The following CYB5B variants were observed in gnomAD, a reference collection of about 807,000 sequenced individuals.
CYB5B encodes cytochrome b5 type B, also known as cytochrome b5 type B (outer mitochondrial membrane).
A neutral mutation model predicts 21.3 loss-of-function variants in CYB5B; 14 were observed. That is an observed-to-expected ratio of 0.66 (90% CI 0.43 to 1.03). The LOEUF (loss-of-function observed/expected upper bound fraction) is 1.03. Ranked by LOEUF, CYB5B falls within the 50% of genes least tolerant of loss-of-function variation. The pLI is 0.00. For synonymous variants in CYB5B, 69 were observed against 68.4 expected, an observed-to-expected ratio of 1.01 and a Z score of -0.04; for missense variants, 166 against 185.1, an observed-to-expected ratio of 0.90 and a Z score of 0.60.
chr16:69,462,578 C>T lies in CYB5B; in HGVS notation c.*58C>T. On this transcript the variant is annotated 3_prime_UTR_variant, in exon 5 of 5. Coordinates refer to ENST00000307892, the MANE Select transcript of CYB5B (RefSeq NM_030579.3). ...CTTTGGGGCGAAAACTAGAGACTTG[C>T]TTGGGGGCTGCAGAAGTGCCCTCTC... 9.1e-6 allele frequency: 13 copies of T among 1,432,114 alleles called. No homozygotes were observed. The highest frequency in any genetic ancestry group is 1.2e-5 in the Non-Finnish European group (12 of 1,019,474). The allele number at this position is 1,432,114 out of a possible 1,614,324, so 88.7% of individuals were successfully genotyped here.
At chr16:69,461,115 G>C (rs1053377239) in intron 4 of CYB5B, among the ~76,000 whole-genome samples, 2 of 151,748 alleles carry the variant, frequency 1.3e-5, no homozygotes, top group African/African-American at 4.8e-5. Context: ...TGAGACAGAA[G>C]AATGGCGTGA....
intron 4 of CYB5B, among the ~76,000 whole-genome samples, chr16:69,459,976 C>T (rs373808037): frequency 3.3e-5 from 5 of 152,164 alleles, no homozygotes; most frequent in Non-Finnish European, 2.9e-5. Context: ...CAGGGCCGGG[C>T]GCGGTGGCTC....
chr16:69,424,931 G>T (rs987215820), intron 1 of CYB5B, 74 bp downstream of exon 1: 2 of 1,376,962 alleles, frequency 1.5e-6, no homozygotes, highest in Admixed American at 6.0e-5. Context: ...AGTGTATGTG[G>T]GAAGGAAGGG....
intron 4 of CYB5B, 57 bp downstream of exon 4, chr16:69,459,178 C>T (rs2015009991): frequency 6.4e-7 from 1 of 1,574,446 alleles, no homozygotes; most frequent in South Asian, 1.2e-5. Context: ...GCAAGAGACT[C>T]TTCCATAAGT....
At chr16:69,455,146 G>A (rs936225587) in intron 3 of CYB5B, among the ~76,000 whole-genome samples, 3 of 151,976 alleles carry the variant, frequency 2.0e-5, no homozygotes, top group Non-Finnish European at 4.4e-5. Context: ...CGCCTGTCTC[G>A]GCCTCCCCAA....
In CYB5B at chr16:69,446,654, A is replaced by G. The variant is rs114125501; in HGVS notation, c.175-496A>G. 2.7e-3 allele frequency among the ~76,000 whole-genome samples: 404 copies of G among 152,314 alleles called. 5 individuals are homozygous for G. Among genetic ancestry groups the G allele is most frequent in the African/African-American group, 8.5e-3 (353 of 41,572 alleles). On this transcript the variant is annotated intron_variant, in intron 1 of 4. Transcript: ENST00000307892. ...AACTTTTTAATTTGAAACAATTTCA[A>G]AGTTACAGAAAAGTTGCAAGAATAG...
intron 1 of CYB5B, among the ~76,000 whole-genome samples, chr16:69,429,611 T>A (rs933865567): frequency 3.9e-5 from 6 of 152,188 alleles, no homozygotes; most frequent in Non-Finnish European, 5.9e-5. Flanking sequence ...GAGGCTGTTT[T>A]AGTAATTAGG....
chr16:69,431,045 C>T (rs2014700999), intron 1 of CYB5B, among the ~76,000 whole-genome samples: 1 of 151,900 alleles, frequency 6.6e-6, no homozygotes, highest in Admixed American at 6.6e-5. Context: ...GTCGCCCAGG[C>T]TGGAGTGCAG....
At chr16:69,429,748 A>G (rs1410464591) in intron 1 of CYB5B, among the ~76,000 whole-genome samples, 1 of 151,624 alleles carries the variant, frequency 6.6e-6, no homozygotes, top group Non-Finnish European at 1.5e-5. Context: ...GATAACACCA[A>G]AGTTTTTGGC....
In CYB5B at chr16:69,465,388, C is replaced by T. The variant is rs1260597296; in HGVS notation, c.*2868C>T. The T allele has an allele frequency of 2.0e-5, 3 of 152,232 alleles. No individual in the cohort carries two copies. The highest frequency in any genetic ancestry group is 4.4e-5 in the Non-Finnish European group (3 of 68,054). The allele number at this position is 152,232 out of a possible 1,614,324, so 9.4% of individuals were successfully genotyped here. A position where few individuals can be genotyped will look rare whatever the true frequency, so the allele number is the denominator to read the frequency against. On this transcript the variant is annotated 3_prime_UTR_variant, in exon 5 of 5. Coordinates refer to ENST00000307892, the MANE Select transcript of CYB5B (RefSeq NM_030579.3). ...AAATGACACCAAAATTCCTCAGCCC[C>T]TACTCAGCAATTGGTTTTGGTTTCC...
chr16:69,458,836 A>G (rs2015005396), intron 3 of CYB5B, among the ~76,000 whole-genome samples: 1 of 152,196 alleles, frequency 6.6e-6, no homozygotes, highest in South Asian at 2.1e-4. Flanking sequence ...CATCTAAAAA[A>G]GTTTAGGTCA....
chr16:69,440,764 G>GTGTGTGTGTGTA (rs1467724447), intron 1 of CYB5B, among the ~76,000 whole-genome samples: 1 of 150,890 alleles, frequency 6.6e-6, no homozygotes, highest in East Asian at 1.9e-4. Flanking sequence ...GTGTGTGTGT[G>GTGTGTGTGTGTA]TGTGTAAATA....
At chr16:69,459,353 T>C (rs1448897032) in intron 4 of CYB5B, 10 of 466,500 alleles carry the variant, frequency 2.1e-5, no homozygotes, top group Admixed American at 4.2e-5. Context: ...TTTTTAATCT[T>C]ATTGTGACAT....
chr16:69,439,117 A>G (rs1487515027), intron 1 of CYB5B, among the ~76,000 whole-genome samples: 1 of 152,138 alleles, frequency 6.6e-6, no homozygotes, highest in Non-Finnish European at 1.5e-5. Flanking sequence ...ATTTTATATT[A>G]GGTTGTTGAG....
At chr16:69,452,194 G>C (rs2142823757) in intron 3 of CYB5B, among the ~76,000 whole-genome samples, 1 of 149,410 alleles carries the variant, frequency 6.7e-6, no homozygotes, top group Non-Finnish European at 1.5e-5. Context: ...AATTTGAGTA[G>C]TCCCAGGTAC....
intron 1 of CYB5B, among the ~76,000 whole-genome samples, chr16:69,434,738 C>CT (rs2014742039): frequency 1.3e-5 from 2 of 151,964 alleles, no homozygotes. Flanking sequence ...TGGCAGGTGC[C>CT]TGTAGTCCCA....
At chr16:69,427,392 C>T (rs1448586256) in intron 1 of CYB5B, among the ~76,000 whole-genome samples, 2 of 151,504 alleles carry the variant, frequency 1.3e-5, no homozygotes, top group East Asian at 3.9e-4. Context: ...TAACCTGTTT[C>T]TTTCTTTTTT....
intron 1 of CYB5B, among the ~76,000 whole-genome samples, chr16:69,434,778 G>A (rs887094291): frequency 2.7e-5 from 4 of 149,608 alleles, no homozygotes; most frequent in African/African-American, 7.4e-5. Flanking sequence ...CAGGAGAATC[G>A]CTTGAACCCG....
chr16:69,442,058 A>G (rs554755591), intron 1 of CYB5B, among the ~76,000 whole-genome samples: 1 of 152,286 alleles, frequency 6.6e-6, no homozygotes, highest in East Asian at 1.9e-4. Flanking sequence ...TAGTTTCTAA[A>G]TTTTTGGTAA....
Sources: allele counts gnomAD v4.1 joint callset (sites outside exome capture counted in the v4.1 genomes callset), GRCh38; gene constraint gnomAD v4.1.1; transcripts MANE v1.5; gene names NCBI Gene and HGNC (gene_info 2026-07-23, HGNC 2026-07-21).